The following RBFOX2 variants were observed in gnomAD, a reference collection of about 807,000 sequenced individuals.
RBFOX2 encodes RNA binding fox-1 homolog 2.
RBFOX2 carries 10 observed loss-of-function variants against 49.1 expected under a neutral mutation model. The observed-to-expected ratio is 0.20, with a 90% CI of 0.13 to 0.35. The LOEUF (loss-of-function observed/expected upper bound fraction) is 0.35. RBFOX2 is among the 10% of genes least tolerant of loss of function. The probability of loss-of-function intolerance (pLI) is 1.00; values close to 1 mark genes in which losing one functional copy is unlikely to be tolerated. For synonymous variants in RBFOX2, 183 were observed against 187.4 expected (o/e 0.98, Z 0.19); for missense variants, 323 against 486.9 (o/e 0.66, Z 3.17).
At chr22:35,796,861 G>T (rs1948877700) in intron 2 of RBFOX2, among the ~76,000 whole-genome samples, 1 of 152,120 alleles carries the variant, frequency 6.6e-6, no homozygotes, top group Admixed American at 6.5e-5. Flanking sequence ...CGAGCTCATA[G>T]TGGAGGACAC....
rs1182891122 is a variant in RBFOX2, at chr22:35,761,504, CTGTT to C, written c.608-40_608-37del. The C allele has an allele frequency of 4.4e-6, 7 of 1,608,764 alleles. No individual in the cohort carries two copies. The East Asian group carries it at 1.1e-4, about 26-fold the overall frequency. ...CAAAATGGAAGGTAAGCATTTAAGA[CTGTT>C]TGAGGAAAGGGATGATCAGTGCATG... On this transcript the variant is annotated intron_variant, in intron 6 of 11. Transcript: ENST00000405409.
Position 35,929,883 on chromosome 22 carries a change from T to G in RBFOX2, c.-34+8964A>C, listed in dbSNP as rs539933908. ...GAGCAGGGAATGACTGCAAAAGAAT[T>G]TGAAAGAATTTGGGGAATGAGGGAA... On this transcript the variant is annotated intron_variant, in intron 1 of 13. Transcript: ENST00000359369. Among the ~76,000 whole-genome samples the G allele has an allele frequency of 3.9e-5, 6 of 152,076 alleles. No individual in the cohort carries two copies. In the East Asian group the frequency reaches 9.7e-4, roughly 25 times the overall value.
At chr22:35,977,037 G>C (rs2057203888) in intron 1 of RBFOX2, among the ~76,000 whole-genome samples, 1 of 150,050 alleles carries the variant, frequency 6.7e-6, no homozygotes, top group Non-Finnish European at 1.5e-5. Flanking sequence ...CATTTAAACA[G>C]ACCCATCATC....
intron 1 of RBFOX2, among the ~76,000 whole-genome samples, chr22:35,854,606 A>G (rs2042309938): frequency 6.6e-6 from 1 of 152,110 alleles, no homozygotes; most frequent in Admixed American, 6.5e-5. Flanking sequence ...GAAAAAAAAA[A>G]AGACTAGAGG....
At chr22:35,999,533 G>T (rs2058325442) in intron 1 of RBFOX2, 1 of 152,118 alleles carries the variant, frequency 6.6e-6, no homozygotes, top group Non-Finnish European at 1.5e-5. Flanking sequence ...ATACAGCCTG[G>T]CAACAGAGCA....
intron 1 of RBFOX2, among the ~76,000 whole-genome samples, chr22:35,870,678 A>G (rs2044257879): frequency 6.6e-6 from 1 of 152,164 alleles, no homozygotes; most frequent in African/African-American, 2.4e-5. Context: ...ATTTCCTGCC[A>G]AAACAGTGGG....
intron 2 of RBFOX2, among the ~76,000 whole-genome samples, chr22:35,788,153 G>A (rs1411392595): frequency 6.6e-6 from 1 of 152,038 alleles, no homozygotes; most frequent in African/African-American, 2.4e-5. Context: ...GAAATTGATT[G>A]ATTTTTCTGA....
intron 1 of RBFOX2, among the ~76,000 whole-genome samples, chr22:35,888,013 C>G (rs757091203): frequency 3.3e-5 from 5 of 152,128 alleles, no homozygotes; most frequent in Non-Finnish European, 5.9e-5. Context: ...CCTCCTAAGC[C>G]AGTTTAGATC....
chr22:36,015,653 T>C (rs1399456180), intron 1 of RBFOX2, among the ~76,000 whole-genome samples: 1 of 152,230 alleles, frequency 6.6e-6, no homozygotes, highest in East Asian at 1.9e-4. Context: ...CAAAGCCACA[T>C]ATTCAGACTA....
At chr22:35,910,998 TC>T (rs2049753888) in intron 1 of RBFOX2, among the ~76,000 whole-genome samples, 1 of 152,162 alleles carries the variant, frequency 6.6e-6, no homozygotes. Flanking sequence ...AATATAATAG[TC>T]CCCCACATGG....
At chr22:35,840,631 C>CGCGT (rs1958596328), upstream of RBFOX2, 1 of 1,005,626 alleles carries the variant, frequency 9.9e-7, no homozygotes, top group Non-Finnish European at 1.2e-6. Flanking sequence ...TGCGTGTGTG[C>CGCGT]GTGTGTGTGT....
intron 1 of RBFOX2, among the ~76,000 whole-genome samples, chr22:35,875,543 A>C (rs1161543441): frequency 6.6e-6 from 1 of 151,910 alleles, no homozygotes; most frequent in Non-Finnish European, 1.5e-5. Context: ...TACAAAAGTA[A>C]CATATCCTTT....
At chr22:35,772,142 A>AT in intron 4 of RBFOX2, among the ~76,000 whole-genome samples, 1 of 152,300 alleles carries the variant, frequency 6.6e-6, no homozygotes, top group Non-Finnish European at 1.5e-5. Context: ...AAGAGGAAAT[A>AT]TTTCAGCTAT....
chr22:35,798,547 G>C (rs1297352826), intron 2 of RBFOX2, among the ~76,000 whole-genome samples: 2 of 152,176 alleles, frequency 1.3e-5, no homozygotes, highest in Non-Finnish European at 2.9e-5. Flanking sequence ...TAAAAGAGGA[G>C]TAATAACGAT....
exon 12 of RBFOX2, chr22:35,740,937 T>TC (rs1179264592): frequency 2.0e-5 from 3 of 152,214 alleles, no homozygotes; most frequent in Non-Finnish European, 4.4e-5. Flanking sequence ...AAAGCTGCTA[T>TC]CGATGACTTC....
intron 9 of RBFOX2, among the ~76,000 whole-genome samples, chr22:35,752,869 A>C (rs1394359305): frequency 6.6e-6 from 1 of 152,202 alleles, no homozygotes; most frequent in Non-Finnish European, 1.5e-5. Flanking sequence ...AAGAAGAGGG[A>C]GGGCTGGATA....
At chr22:35,934,587 C>G (rs1393880703) in intron 1 of RBFOX2, among the ~76,000 whole-genome samples, 1 of 152,070 alleles carries the variant, frequency 6.6e-6, no homozygotes, top group Non-Finnish European at 1.5e-5. Context: ...GTTGTTGCAC[C>G]AAAAGCGAGC....
intron 1 of RBFOX2, among the ~76,000 whole-genome samples, chr22:35,911,860 T>C (rs1054955203): frequency 9.9e-5 from 15 of 152,168 alleles, no homozygotes; most frequent in African/African-American, 3.4e-4. Context: ...ATAAAATTTT[T>C]AATGAACCCT....
chr22:35,823,755 G>T (rs1955031307), intron 1 of RBFOX2, among the ~76,000 whole-genome samples: 1 of 152,168 alleles, frequency 6.6e-6, no homozygotes, highest in African/African-American at 2.4e-5. Context: ...AGGAAAATAA[G>T]AAGTGTTTAC....
Sources: gnomAD v4.1 joint callset for allele counts (sites outside exome capture counted in the v4.1 genomes callset) on GRCh38, gnomAD v4.1.1 for gene constraint, MANE v1.5 for transcripts, NCBI Gene and HGNC (gene_info 2026-07-23, HGNC 2026-07-21) for gene names.